Variants in CHN2 observed in about 807,000 individuals in gnomAD.
CHN2 encodes beta-chimaerin.
In CHN2, 35 loss-of-function variants were observed where a neutral mutation model predicts 56.3. The ratio of observed to expected loss-of-function variants is 0.62; its 90% CI spans 0.47 to 0.82. CHN2 has a LOEUF of 0.82. Ranked by LOEUF, CHN2 falls within the 40% of genes least tolerant of loss-of-function variation. The pLI is 0.00. For synonymous variants in CHN2, 210 were observed against 212.8 expected (o/e 0.99, Z 0.12); for missense variants, 491 against 580.5 (o/e 0.85, Z 1.58).
intron 1 of CHN2, among the ~76,000 whole-genome samples, chr7:29,308,839 T>C (rs570420957): frequency 6.6e-6 from 1 of 152,334 alleles, no homozygotes; most frequent in East Asian, 1.9e-4. Flanking sequence ...AAACACCTTA[T>C]TTAGTTCCTC....
At chr7:29,269,146 C>T (rs1790404839) in intron 1 of CHN2, among the ~76,000 whole-genome samples, 1 of 152,168 alleles carries the variant, frequency 6.6e-6, no homozygotes, top group Non-Finnish European at 1.5e-5. Flanking sequence ...TGCTACTGAA[C>T]ACTAGATCTT....
intron 2 of CHN2, among the ~76,000 whole-genome samples, chr7:29,172,863 C>T (rs1056147035): frequency 5.9e-5 from 9 of 151,634 alleles, no homozygotes; most frequent in African/African-American, 1.9e-4. Context: ...TGGATAAGGC[C>T]GAGTGTGGTA....
chr7:29,235,268 C>T (rs1333917788), intron 1 of CHN2, among the ~76,000 whole-genome samples: 1 of 152,158 alleles, frequency 6.6e-6, no homozygotes, highest in Non-Finnish European at 1.5e-5. Flanking sequence ...ACACAGCCAA[C>T]AAGCATATGA....
intron 6 of CHN2, among the ~76,000 whole-genome samples, chr7:29,449,620 T>A (rs1784265754): frequency 6.6e-6 from 1 of 152,224 alleles, no homozygotes; most frequent in African/African-American, 2.4e-5. Context: ...TGAATAAGAT[T>A]ATTTGCATTC....
intron 6 of CHN2, among the ~76,000 whole-genome samples, chr7:29,410,067 C>T (rs1803058030): frequency 6.6e-6 from 1 of 152,176 alleles, no homozygotes; most frequent in Admixed American, 6.5e-5. Context: ...GGTGGGGGGA[C>T]AACAGGCTGA....
At chr7:29,445,007 C>T (rs940602962) in intron 6 of CHN2, 4 of 380,658 alleles carry the variant, frequency 1.1e-5, no homozygotes, top group Non-Finnish European at 2.1e-5. Context: ...GCCTAGAGAT[C>T]TGAGCAGAAT....
chr7:29,352,567 A>T (rs1205263583), intron 1 of CHN2, among the ~76,000 whole-genome samples: 1 of 152,058 alleles, frequency 6.6e-6, no homozygotes, highest in Non-Finnish European at 1.5e-5. Context: ...ATTAAAAAAT[A>T]CAAAAATTAG....
intron 2 of CHN2, among the ~76,000 whole-genome samples, chr7:29,364,520 A>C (rs1261033639): frequency 6.6e-6 from 1 of 152,184 alleles, no homozygotes; most frequent in East Asian, 1.9e-4. Context: ...ATTTTAGGAG[A>C]TGGCCATTGC....
rs6956943 is a variant in CHN2, at chr7:29,317,704, C to G, written c.50-36921C>G. On this transcript the variant is annotated intron_variant, in intron 1 of 12. Transcript: ENST00000222792. ...TTAGAAACATAGGTAAGACATGGTC[C>G]CTGCACTCAGGGAACATATAATTGA... Among the ~76,000 whole-genome samples the G allele has an allele frequency of 8.3e-3, 1,257 of 152,132 alleles. 14 individuals are homozygous for G. The highest frequency in any genetic ancestry group is 0.029 in the African/African-American group (1,197 of 41,478).
At chr7:29,433,605 G>C (rs183346001) in intron 6 of CHN2, among the ~76,000 whole-genome samples, 1 of 152,302 alleles carries the variant, frequency 6.6e-6, no homozygotes, top group Admixed American at 6.5e-5. Flanking sequence ...GGGAGGCCAA[G>C]GCGGGTGGAT....
chr7:29,354,328 G>C (rs1798121630), intron 1 of CHN2, among the ~76,000 whole-genome samples: 2 of 152,216 alleles, frequency 1.3e-5, no homozygotes, highest in Non-Finnish European at 2.9e-5. Context: ...AGGATTACTA[G>C]AGGGTATAAT....
chr7:29,253,944 G>T (rs1038126796), intron 1 of CHN2, among the ~76,000 whole-genome samples: 1 of 151,894 alleles, frequency 6.6e-6, no homozygotes, highest in African/African-American at 2.4e-5. Context: ...TTGCTCTGTC[G>T]CCCAGGCTGG....
chr7:29,223,038 G>A lies in CHN2; in HGVS notation c.49+28048G>A, dbSNP rs192644389. Among the ~76,000 whole-genome samples the A allele has an allele frequency of 2.6e-5, 4 of 152,170 alleles. No individual in the cohort carries two copies. The East Asian group carries it at 7.7e-4, about 29-fold the overall frequency. Reference sequence around the variant, plus strand: ...AGTACACTCAACCCAATTAAAATTTGGGCAAAATACTTGAAAAAGCTTTCA... The same window carrying A: ...AGTACACTCAACCCAATTAAAATTTAGGCAAAATACTTGAAAAAGCTTTCA... On this transcript the variant is annotated intron_variant, in intron 1 of 12. Coordinates refer to ENST00000222792, the MANE Select transcript of CHN2 (RefSeq NM_004067.4).
chr7:29,259,351 C>G (rs962657286), intron 1 of CHN2, among the ~76,000 whole-genome samples: 1 of 150,244 alleles, frequency 6.7e-6, no homozygotes, highest in Non-Finnish European at 1.5e-5. Context: ...AACAAACAAA[C>G]ATACAAACAA....
At chr7:29,231,323 G>A (rs943642835) in intron 1 of CHN2, among the ~76,000 whole-genome samples, 2 of 152,170 alleles carry the variant, frequency 1.3e-5, no homozygotes, top group Non-Finnish European at 2.9e-5. Flanking sequence ...AGAGTGCGGT[G>A]AAATGAGCAA....
chr7:29,403,638 G>A (rs964022470), intron 6 of CHN2, among the ~76,000 whole-genome samples: 29 of 151,834 alleles, frequency 1.9e-4, no homozygotes, highest in Non-Finnish European at 3.7e-4. Flanking sequence ...TTTAATAACC[G>A]TAGATGAGAT....
At chr7:29,285,979 T>A (rs1373588568) in intron 1 of CHN2, among the ~76,000 whole-genome samples, 2 of 152,098 alleles carry the variant, frequency 1.3e-5, no homozygotes, top group Non-Finnish European at 2.9e-5. Flanking sequence ...GTGATCCAAC[T>A]CATAAAGGTA....
At chr7:29,275,323 A>G (rs992584279) in intron 1 of CHN2, among the ~76,000 whole-genome samples, 3 of 152,180 alleles carry the variant, frequency 2.0e-5, no homozygotes, top group Non-Finnish European at 4.4e-5. Flanking sequence ...CCAGGTTGGC[A>G]TGGGAATTAA....
At chr7:29,443,061 C>T (rs1783779600) in intron 6 of CHN2, among the ~76,000 whole-genome samples, 1 of 150,260 alleles carries the variant, frequency 6.7e-6, no homozygotes, top group Non-Finnish European at 1.5e-5. Flanking sequence ...CTGCCTCAGC[C>T]TCCCGAGTAG....
Sources: gnomAD v4.1 joint callset for allele counts (sites outside exome capture counted in the v4.1 genomes callset) on GRCh38, gnomAD v4.1.1 for gene constraint, MANE v1.5 for transcripts, NCBI Gene and HGNC (gene_info 2026-07-23, HGNC 2026-07-21) for gene names.